TENM3: variants seen among roughly 807,000 people sequenced by gnomAD.
TENM3 encodes teneurin transmembrane protein 3.
Under a neutral mutation model 255.1 loss-of-function variants are expected in TENM3, and 63 were observed. The ratio of observed to expected loss-of-function variants is 0.25; its 90% confidence interval spans 0.20 to 0.30. The LOEUF (loss-of-function observed/expected upper bound fraction) is 0.30, where lower values mean the gene tolerates loss of function less well. Ranked by LOEUF, TENM3 falls within the 10% of genes least tolerant of loss-of-function variation. The probability of loss-of-function intolerance (pLI) is 1.00; values close to 1 mark genes in which losing one functional copy is unlikely to be tolerated. For missense variants in TENM3, 2,929 were observed against 3,461.1 expected, an observed-to-expected ratio of 0.85 and a Z score of 3.86; for synonymous variants, 1,306 against 1,322.3, an observed-to-expected ratio of 0.99 and a Z score of 0.27.
At chr4:182,414,992 C>T (rs1352938120) in intron 3 of TENM3, among the ~76,000 whole-genome samples, 1 of 152,218 alleles carries the variant, frequency 6.6e-6, no homozygotes, top group East Asian at 1.9e-4. Flanking sequence ...TAGTTTTCAA[C>T]CTTCGTTATT....
chr4:181,667,352 G>A, the TENM3 span, among the ~76,000 whole-genome samples: 6,805 of 152,148 alleles, frequency 0.045, 205 homozygotes, highest in Non-Finnish European at 0.068. Flanking sequence ...TTATTCCTCT[G>A]TTCAAGAACC....
intron 3 of TENM3, among the ~76,000 whole-genome samples, chr4:182,492,773 T>G (rs2151595630): frequency 6.6e-6 from 1 of 152,290 alleles, no homozygotes; most frequent in South Asian, 2.1e-4. Context: ...AACAATAAAC[T>G]GAGTTACAGC....
intron 3 of TENM3, among the ~76,000 whole-genome samples, chr4:182,450,669 C>T (rs1233245044): frequency 6.6e-6 from 1 of 152,178 alleles, no homozygotes; most frequent in Non-Finnish European, 1.5e-5. Flanking sequence ...GTTCCTTTCT[C>T]TCATCTTCAG....
chr4:181,788,459 T>C, the TENM3 span, among the ~76,000 whole-genome samples: 1 of 152,252 alleles, frequency 6.6e-6, no homozygotes, highest in South Asian at 2.1e-4. Flanking sequence ...TTCCCATTAA[T>C]ACTCCAATTT....
the TENM3 span, among the ~76,000 whole-genome samples, chr4:182,111,781 T>C: frequency 6.6e-6 from 1 of 152,136 alleles, no homozygotes; most frequent in African/African-American, 2.4e-5. Flanking sequence ...CCAAGCTCTG[T>C]TTGCTGTAAC....
intron 3 of TENM3, among the ~76,000 whole-genome samples, chr4:182,491,802 TCAG>T (rs1735327671): frequency 6.6e-6 from 1 of 152,156 alleles, no homozygotes; most frequent in South Asian, 2.1e-4. Context: ...CATTACACTG[TCAG>T]CAGGTGCTGC....
the TENM3 span, among the ~76,000 whole-genome samples, chr4:181,877,542 C>CA: frequency 6.6e-6 from 1 of 151,978 alleles, no homozygotes; most frequent in Admixed American, 6.6e-5. Context: ...AAGAGATTGC[C>CA]AAAAAATCGT....
intron 3 of TENM3, among the ~76,000 whole-genome samples, chr4:182,484,671 G>C (rs1412153285): frequency 6.6e-6 from 1 of 152,120 alleles, no homozygotes; most frequent in Non-Finnish European, 1.5e-5. Flanking sequence ...AAGCTGTCGT[G>C]TTATTTCTGA....
At chr4:182,763,455 C>T (rs1012023874) in intron 22 of TENM3, among the ~76,000 whole-genome samples, 2 of 151,994 alleles carry the variant, frequency 1.3e-5, no homozygotes, top group Non-Finnish European at 2.9e-5. Flanking sequence ...GTCCCAGCTA[C>T]TCGGGAGGCT....
At chr4:182,437,313 G>T (rs1038609571) in intron 3 of TENM3, among the ~76,000 whole-genome samples, 1 of 152,104 alleles carries the variant, frequency 6.6e-6, no homozygotes, top group Non-Finnish European at 1.5e-5. Flanking sequence ...ACTCAGGAGG[G>T]TAGAAAGGGA....
At chr4:182,669,354 C>T (rs1339428250) in intron 6 of TENM3, among the ~76,000 whole-genome samples, 1 of 152,074 alleles carries the variant, frequency 6.6e-6, no homozygotes, top group African/African-American at 2.4e-5. Context: ...ACTGCAAGCT[C>T]CGCCTCCCAG....
chr4:182,207,106 A>G (rs1002154679), intron 1 of TENM3, among the ~76,000 whole-genome samples: 1 of 152,184 alleles, frequency 6.6e-6, no homozygotes, highest in African/African-American at 2.4e-5. Context: ...AGCTACATGT[A>G]TGCTTGTTAT....
the TENM3 span, among the ~76,000 whole-genome samples, chr4:181,784,438 A>G: frequency 6.6e-6 from 1 of 152,054 alleles, no homozygotes; most frequent in African/African-American, 2.4e-5. Flanking sequence ...ATATTATTGG[A>G]TTTAATTTCC....
At chr4:181,995,660 A>G in the TENM3 span, among the ~76,000 whole-genome samples, 2 of 152,180 alleles carry the variant, frequency 1.3e-5, no homozygotes, top group South Asian at 2.1e-4. Context: ...TGGCGCCCAT[A>G]TATGTGTGTG....
intron 1 of TENM3, among the ~76,000 whole-genome samples, chr4:182,158,295 C>A (rs988053011): frequency 6.6e-5 from 10 of 152,208 alleles, no homozygotes; most frequent in Admixed American, 2.0e-4. Flanking sequence ...AAAAAACACA[C>A]AACATACAAA....
chr4:182,336,063 G>A (rs1343434351), intron 2 of TENM3, among the ~76,000 whole-genome samples: 2 of 152,108 alleles, frequency 1.3e-5, no homozygotes, highest in African/African-American at 4.8e-5. Context: ...TCCCCACTTG[G>A]TAAGCAGGAA....
intron 3 of TENM3, among the ~76,000 whole-genome samples, chr4:182,440,363 C>T (rs950226021): frequency 4.6e-5 from 7 of 152,092 alleles, no homozygotes; most frequent in Admixed American, 3.3e-4. Flanking sequence ...CCACCCGCCT[C>T]GGCCTCCCAA....
At chr4:182,462,571 A>C (rs1732132773) in intron 3 of TENM3, among the ~76,000 whole-genome samples, 2 of 151,706 alleles carry the variant, frequency 1.3e-5, no homozygotes, top group African/African-American at 4.8e-5. Context: ...TTTTAGTTCA[A>C]GTTCTTATGG....
chr4:182,462,254 C>G (rs191572996), intron 3 of TENM3, among the ~76,000 whole-genome samples: 3 of 152,076 alleles, frequency 2.0e-5, no homozygotes, highest in Admixed American at 2.0e-4. Context: ...GACTGAGTCT[C>G]GCTACGTTGC....
Sources: allele counts gnomAD v4.1 joint callset (sites outside exome capture counted in the v4.1 genomes callset), GRCh38; gene constraint gnomAD v4.1.1; transcripts MANE v1.5; gene names NCBI Gene and HGNC (gene_info 2026-07-23, HGNC 2026-07-21).